Variants in ELL2 observed in about 807,000 individuals in gnomAD.
The protein encoded by ELL2 is elongation factor for RNA polymerase II 2, also known as RNA polymerase II elongation factor ELL2.
In ELL2, 21 loss-of-function variants were observed where a neutral mutation model predicts 72.8. The observed-to-expected ratio is 0.29, with a 90% CI of 0.20 to 0.42. The LOEUF is 0.42. Ranked by LOEUF, ELL2 falls within the 10% of genes least tolerant of loss-of-function variation. The pLI is 1.00. For missense variants in ELL2, 568 were observed against 772.8 expected (o/e 0.73, Z 3.14); for synonymous variants, 266 against 283.2 (o/e 0.94, Z 0.61).
rs1749093825 is a variant in ELL2 at position 95,900,521 on chromosome 5, G to C, written c.954+172C>G. 14 of 475,188 alleles carry C rather than the reference G, an allele frequency of 2.9e-5. No homozygotes were observed. The East Asian group carries it at 4.6e-4, about 16-fold the overall frequency. 29.4% of individuals were successfully genotyped at this position (475,188 alleles called of 1,614,324 possible). On this transcript the variant is annotated intron_variant, in intron 7 of 11. Coordinates refer to ENST00000237853, the MANE Select transcript of ELL2 (RefSeq NM_012081.6). Reference sequence around the variant, plus strand: ...TGCTGTGTAGTGGAGAAAGTTCTGGGCTGGAAGCCAAGACCTAAATTCTAG... The same window carrying C: ...TGCTGTGTAGTGGAGAAAGTTCTGGCCTGGAAGCCAAGACCTAAATTCTAG...
chr5:95,934,760 T>G (rs1452464317), intron 2 of ELL2, among the ~76,000 whole-genome samples: 1 of 152,216 alleles, frequency 6.6e-6, no homozygotes, highest in Non-Finnish European at 1.5e-5. Flanking sequence ...ACCTTTAATA[T>G]CCAGTTTTTC....
Position 95,898,393 on chromosome 5 carries a change from A to C in ELL2, c.1372T>G (p.Ser458Ala), listed in dbSNP as rs774792969. The change falls in exon 8 of 12, where the codon TCT becomes GCT. Residue 458 changes from serine (S) to alanine (A), a missense_variant. This residue lies in a region of ELL2 where 511 missense variants were observed against 728.4 expected (regional missense o/e 0.70). Transcript: ENST00000237853. The part of the protein sequence containing the change: ...PKPMEENHSM[S>A]HKKSKKKSKK... ...GACTTCTTTTTGGACTTTTTGTGAG[A>C]CATTGAATGGTTTTCTTCCATAGGC... The C allele has an allele frequency of 8.1e-6, 13 of 1,613,120 alleles. No individual in the cohort carries two copies. In the Admixed American group the frequency reaches 2.2e-4, roughly 27 times the overall value.
intron 2 of ELL2, among the ~76,000 whole-genome samples, chr5:95,930,292 A>G (rs1302275443): frequency 6.6e-6 from 1 of 152,208 alleles, no homozygotes; most frequent in Non-Finnish European, 1.5e-5. Flanking sequence ...TATGCCAGGA[A>G]GAACTGCTGG....
chr5:95,948,422 T>C (rs1580535110), intron 1 of ELL2, among the ~76,000 whole-genome samples: 1 of 48,004 alleles, frequency 2.1e-5, no homozygotes, highest in Non-Finnish European at 3.1e-5. Flanking sequence ...AGAGCGAGAC[T>C]CCGCCTCAAA....
chr5:95,948,845 A>G (rs1342890854), intron 1 of ELL2, among the ~76,000 whole-genome samples: 1 of 152,208 alleles, frequency 6.6e-6, no homozygotes, highest in Non-Finnish European at 1.5e-5. Context: ...ACAAAGGCAG[A>G]TTGTAATTGG....
At chr5:95,943,586 G>C (rs2112349697) in intron 1 of ELL2, among the ~76,000 whole-genome samples, 1 of 152,234 alleles carries the variant, frequency 6.6e-6, no homozygotes, top group Non-Finnish European at 1.5e-5. Context: ...GGAGGGAAGA[G>C]ATAATTGGAG....
intron 2 of ELL2, among the ~76,000 whole-genome samples, chr5:95,938,702 G>A (rs1353113633): frequency 1.3e-5 from 2 of 152,102 alleles, no homozygotes; most frequent in African/African-American, 4.8e-5. Flanking sequence ...AGCCTGGAGA[G>A]CAAGACCTTG....
At chr5:95,943,498 T>C (rs1193531990) in intron 1 of ELL2, among the ~76,000 whole-genome samples, 4 of 152,168 alleles carry the variant, frequency 2.6e-5, no homozygotes, top group African/African-American at 9.7e-5. Flanking sequence ...AAAAAATGGT[T>C]AGTATACCAA....
At chr5:95,902,972 A>G (rs568681772) in intron 5 of ELL2, among the ~76,000 whole-genome samples, 2 of 151,774 alleles carry the variant, frequency 1.3e-5, no homozygotes, top group Admixed American at 6.6e-5. Flanking sequence ...TATTTTTTGT[A>G]GAGATGGGGT....
chr5:95,912,022 T>A lies in ELL2; in HGVS notation c.481+1749A>T, dbSNP rs116677175. Among the ~76,000 whole-genome samples, 1,368 of 152,322 alleles carry A rather than the reference T, an allele frequency of 9.0e-3. 18 individuals are homozygous for A. Among genetic ancestry groups the A allele is most frequent in the African/African-American group, 0.032 (1,321 of 41,566 alleles). On this transcript the variant is annotated intron_variant, in intron 4 of 11. Transcript: ENST00000237853. ...TATAATTTGGTTCACATGTAAACTC[T>A]GATAACCTCAAATTTCCTGTGGTCA...
chr5:95,919,427 G>A lies in ELL2; in HGVS notation c.314C>T (p.Ser105Phe), dbSNP rs1749962502. ...GTGTACCTTGAAAAGTACTTACCTGGAGAATGTTTGCTGGATGCAGTCAAA... is the reference window on the plus strand; with the variant it reads ...GTGTACCTTGAAAAGTACTTACCTGAAGAATGTTTGCTGGATGCAGTCAAA... The part of the protein sequence containing the change: ...GSFDCIQQTF[S>F]SSGASQLNCL... Residue 105 changes from serine to phenylalanine, a missense_variant, in exon 3 of 12, where the codon TCC (serine) becomes TTC (phenylalanine). By Grantham distance (155) the Ser-to-Phe change is radical. Transcript: ENST00000237853. The A allele has an allele frequency of 6.3e-7, 1 of 1,580,038 alleles. No homozygotes were observed. The highest frequency in any genetic ancestry group is 2.0e-5 in the Admixed American group (1 of 50,344).
rs183484293 is a variant in ELL2 at position 95,954,741 on chromosome 5, A to G, written c.147+6834T>C. ...AGGCATGAGCCACTGCGCCCGGCCAATATCTTGTTAAATTCTATAGACTCT... is the reference window on the plus strand; with the variant it reads ...AGGCATGAGCCACTGCGCCCGGCCAGTATCTTGTTAAATTCTATAGACTCT... On this transcript the variant is annotated intron_variant, in intron 1 of 11. Coordinates refer to ENST00000237853, the MANE Select transcript of ELL2 (RefSeq NM_012081.6). 1.2e-3 allele frequency among the ~76,000 whole-genome samples: 176 copies of G among 151,628 alleles called. 1 individual carries two copies. The highest frequency in any genetic ancestry group is 4.1e-3 in the African/African-American group (168 of 41,354).
intron 2 of ELL2, among the ~76,000 whole-genome samples, chr5:95,927,383 GTGTGTATATATAGACATACACACA>G (rs1750332429): frequency 6.0e-5 from 3 of 50,086 alleles, no homozygotes; most frequent in Non-Finnish European, 1.0e-4. Flanking sequence ...ACACACACAC[GTGTGTATATATAGACATACACACA>G]CGTGTGTATA....
intron 2 of ELL2, among the ~76,000 whole-genome samples, chr5:95,922,768 A>G (rs1032796644): frequency 6.6e-6 from 1 of 152,230 alleles, no homozygotes; most frequent in Non-Finnish European, 1.5e-5. Flanking sequence ...AGATTTAAAA[A>G]ATATGACCAT....
At chr5:95,909,717 C>T (rs1385655598) in intron 4 of ELL2, among the ~76,000 whole-genome samples, 4 of 152,132 alleles carry the variant, frequency 2.6e-5, no homozygotes, top group East Asian at 1.9e-4. Context: ...GCAGTGGGTC[C>T]GACAGGGTTG....
chr5:95,911,987 A>C (rs531554497), intron 4 of ELL2, among the ~76,000 whole-genome samples: 2 of 152,288 alleles, frequency 1.3e-5, no homozygotes, highest in South Asian at 4.1e-4. Context: ...TCTTCTTAGG[A>C]GAGGGGAGGT....
intron 5 of ELL2, 195 bp from the exon 6 acceptor site, chr5:95,901,275 G>T: frequency 2.2e-6 from 1 of 452,464 alleles, no homozygotes; most frequent in Non-Finnish European, 3.7e-6. Context: ...TATATACACA[G>T]CTAAATGTTT....
chr5:95,914,048 A>G, intron 3 of ELL2, 114 bp from the exon 4 acceptor site: 1 of 835,978 alleles, frequency 1.2e-6, no homozygotes, highest in Non-Finnish European at 1.7e-6. Flanking sequence ...CAATCCTAAA[A>G]TAACTAATAT....
chr5:95,911,374 T>G (rs1425652813), intron 4 of ELL2, among the ~76,000 whole-genome samples: 1 of 151,516 alleles, frequency 6.6e-6, no homozygotes, highest in Non-Finnish European at 1.5e-5. Context: ...AGTCTCGCTC[T>G]GTCTCCAAGT....
Sources: allele counts gnomAD v4.1 joint callset (sites outside exome capture counted in the v4.1 genomes callset), GRCh38; gene constraint gnomAD v4.1.1; regional missense constraint gnomAD v4.1.1; transcripts MANE v1.5; gene names NCBI Gene and HGNC (gene_info 2026-07-23, HGNC 2026-07-21).